Variants in CENPP observed in about 807,000 individuals in gnomAD.
The protein encoded by CENPP is centromere protein P.
A neutral mutation model predicts 35.6 loss-of-function variants in CENPP; 24 were observed. The ratio of observed to expected loss-of-function variants is 0.67; its 90% CI spans 0.49 to 0.95. CENPP has a LOEUF of 0.95. Among genes scored for constraint, CENPP ranks in the 40% least tolerant of loss-of-function variants. CENPP has a pLI of 0.00. For synonymous variants in CENPP, 120 were observed against 125.5 expected (o/e 0.96, Z 0.29); for missense variants, 332 against 345.3 (o/e 0.96, Z 0.31).
intron 5 of CENPP, among the ~76,000 whole-genome samples, chr9:92,574,284 A>C (rs1850225906): frequency 6.6e-6 from 1 of 152,182 alleles, no homozygotes; most frequent in East Asian, 1.9e-4. Context: ...ATGTTTACAG[A>C]TTATGTGATC....
At chr9:92,364,988 A>G (rs1204623922) in intron 4 of CENPP, among the ~76,000 whole-genome samples, 1 of 152,236 alleles carries the variant, frequency 6.6e-6, no homozygotes, top group Non-Finnish European at 1.5e-5. Context: ...CAGAGATTAG[A>G]CAGACAAGTC....
chr9:92,331,356 A>G (rs1424890208), intron 1 of CENPP, among the ~76,000 whole-genome samples: 1 of 151,852 alleles, frequency 6.6e-6, no homozygotes, highest in Non-Finnish European at 1.5e-5. Context: ...AATTTTTTGT[A>G]TATTTAGTAG....
At chr9:92,577,950 T>TC (rs1327722443) in intron 5 of CENPP, among the ~76,000 whole-genome samples, 2 of 61,816 alleles carry the variant, frequency 3.2e-5, no homozygotes, top group Admixed American at 2.5e-4. Context: ...CCCTCCCCCC[T>TC]CCCCCCACCC....
chr9:92,345,352 G>T (rs1841259206), intron 3 of CENPP, among the ~76,000 whole-genome samples: 1 of 151,748 alleles, frequency 6.6e-6, no homozygotes, highest in African/African-American at 2.4e-5. Context: ...GGGCGTGGTG[G>T]TGGGCACCTG....
intron 5 of CENPP, among the ~76,000 whole-genome samples, chr9:92,526,373 CT>C (rs1848413061): frequency 6.6e-6 from 1 of 151,954 alleles, no homozygotes; most frequent in Non-Finnish European, 1.5e-5. Context: ...TTTTTAAATT[CT>C]TGAAACAAAT....
rs1166285832 is a variant in CENPP at position 92,442,434 on chromosome 9, C to A, written c.564+62575C>A. Among the ~76,000 whole-genome samples the A allele has an allele frequency of 2.9e-3, 380 of 130,058 alleles. 3 individuals are homozygous for A. Among genetic ancestry groups the A allele is most frequent in the African/African-American group, 8.6e-3 (334 of 38,864 alleles). The allele number at this position is 130,058 out of a possible 152,430, so 85.3% of individuals were successfully genotyped here. ...AAAAAAAAGAAAAAACAAAAAAAAA[C>A]CACTCCATTATGATCAAGTGGGATT... On this transcript the variant is annotated intron_variant, in intron 5 of 7. Coordinates refer to ENST00000375587, the MANE Select transcript of CENPP (RefSeq NM_001012267.3).
At chr9:92,466,543 G>T in intron 5 of CENPP, 1 of 1,613,958 alleles carries the variant, frequency 6.2e-7, no homozygotes, top group Non-Finnish European at 8.5e-7. Flanking sequence ...GTGAATCTTC[G>T]TTAGCTTGTT....
chr9:92,361,316 T>C (rs1841742054), intron 4 of CENPP, among the ~76,000 whole-genome samples: 1 of 151,526 alleles, frequency 6.6e-6, no homozygotes, highest in Admixed American at 6.6e-5. Flanking sequence ...AATTTTTGTA[T>C]TGTTAGCAGA....
chr9:92,616,828 T>G lies in CENPP; in HGVS notation c.*3679T>G, dbSNP rs952867294. The G allele has an allele frequency of 2.0e-5, 3 of 152,268 alleles. No individual in the cohort carries two copies. The highest frequency in any genetic ancestry group is 4.4e-5 in the Non-Finnish European group (3 of 68,080). 9.4% of individuals were successfully genotyped at this position (152,268 alleles called of 1,614,324 possible). The stretch of plus-strand genomic sequence containing the variant: ...ACTCAGCGCACAGCACTCAAGACAC[T>G]GGCTAAACAAGTGACCTAAGCTCAG... On this transcript the variant is annotated 3_prime_UTR_variant, in exon 8 of 8. Transcript: ENST00000375587.
chr9:92,364,239 C>T (rs1178333390), intron 4 of CENPP, among the ~76,000 whole-genome samples: 4 of 151,862 alleles, frequency 2.6e-5, no homozygotes, highest in East Asian at 3.9e-4. Context: ...CACTATGTGA[C>T]CCAGGCTGGT....
chr9:92,483,784 AT>A (rs1458083638), intron 5 of CENPP, among the ~76,000 whole-genome samples: 1 of 152,146 alleles, frequency 6.6e-6, no homozygotes, highest in East Asian at 1.9e-4. Flanking sequence ...GCAGCTGGCT[AT>A]GTGTTCATCC....
intron 5 of CENPP, among the ~76,000 whole-genome samples, chr9:92,404,212 A>G (rs1412707668): frequency 2.0e-5 from 3 of 151,630 alleles, no homozygotes; most frequent in Non-Finnish European, 2.9e-5. Context: ...AACTTCAAAC[A>G]GAATCACTCA....
intron 5 of CENPP, among the ~76,000 whole-genome samples, chr9:92,537,329 A>G (rs1849206422): frequency 6.6e-6 from 1 of 152,208 alleles, no homozygotes; most frequent in Non-Finnish European, 1.5e-5. Context: ...TAAGCCACTC[A>G]ACTTCCTAAA....
At chr9:92,546,687 C>T (rs796641014) in intron 5 of CENPP, among the ~76,000 whole-genome samples, 5 of 152,168 alleles carry the variant, frequency 3.3e-5, no homozygotes, top group African/African-American at 1.2e-4. Context: ...GGGTCCGCGG[C>T]TTCATTCTTG....
At chr9:92,451,528 CATG>C (rs1219086135) in intron 5 of CENPP, among the ~76,000 whole-genome samples, 2 of 151,900 alleles carry the variant, frequency 1.3e-5, no homozygotes, top group Non-Finnish European at 2.9e-5. Context: ...AGTCAGGTAG[CATG>C]ATGCCTCCAG....
At chr9:92,555,594 T>C (rs1182441239) in intron 5 of CENPP, among the ~76,000 whole-genome samples, 1 of 152,192 alleles carries the variant, frequency 6.6e-6, no homozygotes, top group Admixed American at 6.5e-5. Flanking sequence ...TATCTAATTC[T>C]TCCTGATTTA....
chr9:92,361,675 T>C (rs1275983225), intron 4 of CENPP, among the ~76,000 whole-genome samples: 5 of 151,074 alleles, frequency 3.3e-5, no homozygotes, highest in African/African-American at 1.2e-4. Flanking sequence ...AGAGATGGGG[T>C]TTCACCATGC....
intron 5 of CENPP, among the ~76,000 whole-genome samples, chr9:92,469,241 T>C (rs1274411326): frequency 6.6e-6 from 1 of 152,230 alleles, no homozygotes; most frequent in African/African-American, 2.4e-5. Context: ...TTCTAGTTGC[T>C]CTTTTATATT....
intron 5 of CENPP, among the ~76,000 whole-genome samples, chr9:92,553,494 G>A (rs1354429842): frequency 6.6e-6 from 1 of 152,094 alleles, no homozygotes; most frequent in Non-Finnish European, 1.5e-5. Flanking sequence ...GATTGCTTTT[G>A]GCAGTATGAT....
Sources: gnomAD v4.1 joint callset for allele counts (sites outside exome capture counted in the v4.1 genomes callset) on GRCh38, gnomAD v4.1.1 for gene constraint, MANE v1.5 for transcripts, NCBI Gene and HGNC (gene_info 2026-07-23, HGNC 2026-07-21) for gene names.